Variants in CDHR5 observed in about 807,000 individuals in gnomAD.
The protein encoded by CDHR5 is cadherin related family member 5.
In CDHR5, 82 loss-of-function variants were observed where a neutral mutation model predicts 69.5. The ratio of observed to expected loss-of-function variants is 1.18; its 90% CI spans 0.99 to 1.42. The LOEUF (loss-of-function observed/expected upper bound fraction) is 1.42. Ranked by LOEUF, CDHR5 falls within the 40% of genes most tolerant of loss-of-function variation. CDHR5 has a pLI of 0.00. For synonymous variants in CDHR5, 601 were observed against 510.2 expected (o/e 1.18, Z -2.40); for missense variants, 1,293 against 1,168.9 (o/e 1.11, Z -1.55).
intron 7 of CDHR5, among the ~76,000 whole-genome samples, chr11:620,759 G>A (rs1224222369): frequency 6.6e-6 from 1 of 152,090 alleles, no homozygotes. Flanking sequence ...AGCCTGTGTG[G>A]GCCCAGTGGT....
Position 617,477 on chromosome 11 carries a change from G to A in CDHR5, c.2412C>T (p.Val804=), listed in dbSNP as rs139645120. The A allele has an allele frequency of 5.4e-5, 87 of 1,612,688 alleles. No homozygotes were observed. In the African/African-American group the frequency reaches 9.6e-4, roughly 18 times the overall value. ...GEDIGTEADV[V]VLNAPTLDVD... ...CGTCCAGGGTGGGCGCGTTGAGAAC[G>A]ACCACGTCTGCCTCCGTCCCGATGT... Residue 804 remains valine (V), a synonymous_variant, in exon 15 of 15, where the codon GTC becomes GTT. Coordinates refer to ENST00000397542, the MANE Select transcript of CDHR5 (RefSeq NM_021924.5).
At position 621,823 on chromosome 11, in the gene CDHR5, T is replaced by C; in HGVS notation, c.394A>G (p.Arg132Gly). 1 of 1,613,244 alleles carries C rather than the reference T, an allele frequency of 6.2e-7. No individual in the cohort carries two copies. The highest frequency in any genetic ancestry group is 2.2e-5 in the East Asian group (1 of 44,852). ...PEFPFKTKEI[R>G]VEEDTKVNST... ...TTCGCTGGCCTCACCTCCTCCACCC[T>C]TATCTCCTTGGTCTTAAAGGGGAAT... Residue 132 changes from arginine to glycine, a missense_variant, in exon 4 of 15, where the codon AGG becomes GGG. By Grantham distance (125) the Arg-to-Gly change is moderately radical (BLOSUM62 -2). Coordinates refer to ENST00000397542, the MANE Select transcript of CDHR5 (RefSeq NM_021924.5). The surrounding 1 kb of genome is among the most constrained non-coding windows in gnomAD (Gnocchi z 4.4).
At position 621,014 on chromosome 11, in the gene CDHR5, G is replaced by GTGTCCCTGTGTCCA. The variant is rs1857343628; in HGVS notation, c.789+65_789+66insTGGACACAGGGACA. 3.5e-6 allele frequency: 4 copies of GTGTCCCTGTGTCCA among 1,144,432 alleles called. No individual in the cohort carries two copies. Among genetic ancestry groups the GTGTCCCTGTGTCCA allele is most frequent in the South Asian group, 1.8e-5 (1 of 54,440 alleles). The allele number at this position is 1,144,432 out of a possible 1,614,324, so 70.9% of individuals were successfully genotyped here. ...ACCCCGCCCTTCCTCTCCTGATCCT[G>GTGTCCCTGTGTCCA]GCCGTCCCTGTGTCCAGCCTGCCTA... On this transcript the variant is annotated intron_variant, in intron 7 of 14. Coordinates refer to ENST00000397542, the MANE Select transcript of CDHR5 (RefSeq NM_021924.5). This position sits in a 1 kb window ranked among gnomAD's most constrained non-coding sequence, Gnocchi z 4.4.
At position 621,053 on chromosome 11, in the gene CDHR5, C is replaced by G. The variant is rs770100017; in HGVS notation, c.789+27G>C. 8 of 1,506,810 alleles carry G rather than the reference C, an allele frequency of 5.3e-6. No homozygotes were observed. Among genetic ancestry groups the G allele is most frequent in the Non-Finnish European group, 7.1e-6 (8 of 1,123,242 alleles). 93.3% of individuals were successfully genotyped at this position (1,506,810 alleles called of 1,614,324 possible). A position where few individuals can be genotyped will look rare whatever the true frequency, so the allele number is the denominator to read the frequency against. On this transcript the variant is annotated intron_variant, in intron 7 of 14. Transcript: ENST00000397542. This position sits in a 1 kb window ranked among gnomAD's most constrained non-coding sequence, Gnocchi z 4.4. ...CCAGCCTGCCTAGAAGGCCCTGCCC[C>G]GTGCACTGCCCCTCCCTCCCCATTA...
At position 621,766 on chromosome 11, in the gene CDHR5, G is replaced by T; in HGVS notation, c.405+46C>A. On this transcript the variant is annotated intron_variant, in intron 4 of 14. Coordinates refer to ENST00000397542, the MANE Select transcript of CDHR5 (RefSeq NM_021924.5). This position sits in a 1 kb window ranked among gnomAD's most constrained non-coding sequence, Gnocchi z 4.4. ...CACTCACCTCCTGCCCTCACCCTGGGCTCCCACACCCCCGTGCCCAGTCCC... is the reference window on the plus strand; with the variant it reads ...CACTCACCTCCTGCCCTCACCCTGGTCTCCCACACCCCCGTGCCCAGTCCC... 1 of 1,578,270 alleles carries T rather than the reference G, an allele frequency of 6.3e-7. No individual in the cohort carries two copies. The highest frequency in any genetic ancestry group is 8.7e-7 in the Non-Finnish European group (1 of 1,149,078).
At position 621,582 on chromosome 11, in the gene CDHR5, T is replaced by C; in HGVS notation, c.487A>G (p.Thr163Ala). 1 of 1,612,836 alleles carries C rather than the reference T, an allele frequency of 6.2e-7. No homozygotes were observed. Residue 163 changes from threonine to alanine, a missense_variant, in exon 5 of 15, where the codon ACC (threonine) becomes GCC (alanine). Coordinates refer to ENST00000397542, the MANE Select transcript of CDHR5 (RefSeq NM_021924.5). This position sits in a 1 kb window ranked among gnomAD's most constrained non-coding sequence, Gnocchi z 4.4. The stretch of plus-strand genomic sequence containing the variant: ...CTGACTGCTGTCATTTCCTGGAGGG[T>C]GTAGAACAGAATGTCGTCCTTGTCG... ...DRDKDDILFY[T>A]LQEMTAGASD...
chr11:618,872 G>A lies in CDHR5; in HGVS notation c.1687C>T (p.Pro563Ser), dbSNP rs1857165362. The change falls in exon 13 of 15, where the codon CCA (proline) becomes TCA (serine). Residue 563 changes from proline to serine, a missense_variant. Coordinates refer to ENST00000397542, the MANE Select transcript of CDHR5 (RefSeq NM_021924.5). ...PGVGTSTSHQ[P>S]ATPSGGTAQT... ...GCTGTGCCCCCACTGGGTGTGGCTG[G>A]TTGGTGGGAGGTGCTGGTTCCCACA... 2 of 1,610,104 alleles carry A rather than the reference G, an allele frequency of 1.2e-6. No individual in the cohort carries two copies. Among genetic ancestry groups the A allele is most frequent in the African/African-American group, 1.4e-5 (1 of 73,976 alleles).
Position 621,843 on chromosome 11 carries a change from G to T in CDHR5, c.374C>A (p.Pro125His), listed in dbSNP as rs553280976. The T allele has an allele frequency of 3.1e-6, 5 of 1,613,610 alleles. No homozygotes were observed. The highest frequency in any genetic ancestry group is 4.2e-6 in the Non-Finnish European group (5 of 1,179,886). ...CACCCTTATCTCCTTGGTCTTAAAG[G>T]GGAATTCGGGGGCATTGTCATTGAC... Reference protein sequence around the residue: ...LDVNDNAPEFPFKTKEIRVEE... With the variant: ...LDVNDNAPEFHFKTKEIRVEE... The change falls in exon 4 of 15, where the codon CCC (proline) becomes CAC (histidine). Residue 125 changes from proline (P) to histidine (H), a missense_variant. Physicochemically the swap from Pro to His is moderately conservative, Grantham distance 77. Coordinates refer to ENST00000397542, the MANE Select transcript of CDHR5 (RefSeq NM_021924.5). The surrounding 1 kb of genome is among the most constrained non-coding windows in gnomAD (Gnocchi z 4.4).
intron 7 of CDHR5, among the ~76,000 whole-genome samples, 158 bp from the exon 8 acceptor site, chr11:620,544 C>T (rs949485541): frequency 7.2e-5 from 11 of 152,156 alleles, no homozygotes; most frequent in Admixed American, 7.2e-4. Context: ...TCCCTTGTCC[C>T]AGCATCACAA....
chr11:621,495 A>G lies in CDHR5; in HGVS notation c.508-40T>C. On this transcript the variant is annotated intron_variant, in intron 5 of 14. Coordinates refer to ENST00000397542, the MANE Select transcript of CDHR5 (RefSeq NM_021924.5). This position sits in a 1 kb window ranked among gnomAD's most constrained non-coding sequence, Gnocchi z 4.4. Reference sequence around the variant, plus strand: ...GGAGGACAGAGCCTAAGAGCCTTGGAGGGCGAGGGCGGCTGTGGGTGTCAG... The same window carrying G: ...GGAGGACAGAGCCTAAGAGCCTTGGGGGGCGAGGGCGGCTGTGGGTGTCAG... 6.3e-7 allele frequency: 1 copy of G among 1,596,998 alleles called. No homozygotes were observed. Among genetic ancestry groups the G allele is most frequent in the Non-Finnish European group, 8.6e-7 (1 of 1,164,928 alleles).
In CDHR5 at chr11:621,779, C is replaced by G; in HGVS notation, c.405+33G>C. On this transcript the variant is annotated intron_variant, in intron 4 of 14. Coordinates refer to ENST00000397542, the MANE Select transcript of CDHR5 (RefSeq NM_021924.5). This position sits in a 1 kb window ranked among gnomAD's most constrained non-coding sequence, Gnocchi z 4.4. ...CCCTCACCCTGGGCTCCCACACCCC[C>G]GTGCCCAGTCCCCGCGGCTTCGCTG... is the stretch of plus-strand genomic sequence containing the variant. 6.3e-7 allele frequency: 1 copy of G among 1,590,834 alleles called. No individual in the cohort carries two copies. The highest frequency in any genetic ancestry group is 1.1e-5 in the South Asian group (1 of 90,130).
Position 620,155 on chromosome 11 carries a change from T to A in CDHR5, c.890A>T (p.Asn297Ile). 2 of 1,613,046 alleles carry A rather than the reference T, an allele frequency of 1.2e-6. No individual in the cohort carries two copies. Among genetic ancestry groups the A allele is most frequent in the Non-Finnish European group, 8.5e-7 (1 of 1,179,470 alleles). Reference protein sequence around the residue: ...IIYSIFRGNVNGTFIIHPDSG... With the variant: ...IIYSIFRGNVIGTFIIHPDSG... ...GTCTGGGTGGATGATGAATGTACCATTCACGTTTCCTGGGAGGATGATGGA... is the reference window on the plus strand; with the variant it reads ...GTCTGGGTGGATGATGAATGTACCAATCACGTTTCCTGGGAGGATGATGGA... The change falls in exon 9 of 15, where the codon AAT becomes ATT. Residue 297 changes from asparagine (N) to isoleucine (I), a missense_variant. Transcript: ENST00000397542.
rs372602697 is a variant in CDHR5 at position 621,131 on chromosome 11, G to A, written c.738C>T (p.Tyr246=). 13 of 1,590,846 alleles carry A rather than the reference G, an allele frequency of 8.2e-6. No homozygotes were observed. The highest frequency in any genetic ancestry group is 3.4e-5 in the South Asian group (3 of 87,650). ...CGTGGTACTGAGCTTGAATGCAGAC[G>A]TAGCCATCTGAGAAGGTGCAGGGCA... ...WFLPCTFSDG[Y]VCIQAQYHGA... is the part of the protein sequence containing the mutation. Residue 246 remains tyrosine (Y), a synonymous_variant, in exon 7 of 15, where the codon TAC becomes TAT. Coordinates refer to ENST00000397542, the MANE Select transcript of CDHR5 (RefSeq NM_021924.5). This position sits in a 1 kb window ranked among gnomAD's most constrained non-coding sequence, Gnocchi z 4.4.
chr11:623,443 T>G (rs187890722), intron 3 of CDHR5, among the ~76,000 whole-genome samples: 89 of 152,254 alleles, frequency 5.8e-4, no homozygotes, highest in African/African-American at 2.1e-3. Context: ...TTCTGCAATT[T>G]TCCTTAATAA....
At chr11:622,171 C>T (rs1857452580) in intron 3 of CDHR5, among the ~76,000 whole-genome samples, 1 of 152,200 alleles carries the variant, frequency 6.6e-6, no homozygotes, top group Non-Finnish European at 1.5e-5. Context: ...CCTCGACGGC[C>T]ATCCGTCCAC....
Position 619,181 on chromosome 11 carries a change from C to T in CDHR5, c.1379-1G>A. On this transcript the variant is annotated splice_acceptor_variant, in intron 12 of 14. Coordinates refer to ENST00000397542, the MANE Select transcript of CDHR5 (RefSeq NM_021924.5). LOFTEE classifies it high-confidence loss of function. ...CCAGCCTCTGGGGATGGGGGGACAT[C>T]TGGGGGCCGGGAACAGTGCTTGGGC... 1 of 1,529,480 alleles carries T rather than the reference C, an allele frequency of 6.5e-7. No homozygotes were observed. Among genetic ancestry groups the T allele is most frequent in the Non-Finnish European group, 8.8e-7 (1 of 1,136,198 alleles). The allele number at this position is 1,529,480 out of a possible 1,614,324, so 94.7% of individuals were successfully genotyped here. A position where few individuals can be genotyped will look rare whatever the true frequency, so the allele number is the denominator to read the frequency against.
rs778695949 is a variant in CDHR5, at chr11:617,314, G to C, written c.*37C>G. The C allele has an allele frequency of 6.7e-7, 1 of 1,498,204 alleles. No homozygotes were observed. Among genetic ancestry groups the C allele is most frequent in the Non-Finnish European group, 9.2e-7 (1 of 1,091,956 alleles). The allele number at this position is 1,498,204 out of a possible 1,614,324, so 92.8% of individuals were successfully genotyped here. A position where few individuals can be genotyped will look rare whatever the true frequency, so the allele number is the denominator to read the frequency against. On this transcript the variant is annotated 3_prime_UTR_variant, in exon 15 of 15. Transcript: ENST00000397542. ...GGAGGCTGGGGGAGCGAGACCTCCA[G>C]TGCCCGTGCGGCTGGGGGAGAGGGT...
chr11:618,449 G>T, intron 13 of CDHR5, 150 bp downstream of exon 13: 3 of 952,240 alleles, frequency 3.2e-6, no homozygotes, highest in Non-Finnish European at 4.7e-6. Flanking sequence ...TGGGGGCCTT[G>T]GGCCTGTCTG....
chr11:617,471 G>C lies in CDHR5; in HGVS notation c.2418C>G (p.Leu806=). The C allele has an allele frequency of 6.2e-7, 1 of 1,612,726 alleles. No homozygotes were observed. Among genetic ancestry groups the C allele is most frequent in the Non-Finnish European group, 8.5e-7 (1 of 1,179,864 alleles). The change falls in exon 15 of 15, where the codon CTC becomes CTG. Residue 806 remains leucine (L), a synonymous_variant. Coordinates refer to ENST00000397542, the MANE Select transcript of CDHR5 (RefSeq NM_021924.5). The part of the protein sequence containing the change: ...DIGTEADVVV[L]NAPTLDVDGA... ...CATCCACGTCCAGGGTGGGCGCGTT[G>C]AGAACGACCACGTCTGCCTCCGTCC...
Sources: allele counts gnomAD v4.1 joint callset (sites outside exome capture counted in the v4.1 genomes callset), GRCh38; gene constraint gnomAD v4.1.1; non-coding constraint Gnocchi (gnomAD v3.1); transcripts MANE v1.5; gene names NCBI Gene and HGNC (gene_info 2026-07-23, HGNC 2026-07-21).